The following ALG6 variants were observed in gnomAD, a reference collection of about 807,000 sequenced individuals.
ALG6 encodes dolichyl pyrophosphate Man9GlcNAc2 alpha-1,3-glucosyltransferase.
In ALG6, 46 loss-of-function variants were observed where a neutral mutation model predicts 66.6. That is an observed-to-expected ratio of 0.69 (90% CI 0.55 to 0.88). ALG6 has a LOEUF of 0.88. ALG6 is among the 40% of genes least tolerant of loss of function. The pLI is 0.00. For synonymous variants in ALG6, 185 were observed against 203.7 expected (o/e 0.91, Z 0.78); for missense variants, 505 against 586.8 (o/e 0.86, Z 1.44).
intron 10 of ALG6, among the ~76,000 whole-genome samples, chr1:63,415,668 G>A (rs551401756): frequency 4.5e-5 from 6 of 133,340 alleles, no homozygotes; most frequent in African/African-American, 1.1e-4. Flanking sequence ...TTATGTAATC[G>A]TGTATAAAAG....
chr1:63,422,338 A>AATATAAATATATATCT lies in ALG6; in HGVS notation c.1058+2910_1058+2925dup, dbSNP rs1447757707. Among the ~76,000 whole-genome samples, 685 of 98,614 alleles carry AATATAAATATATATCT rather than the reference A, an allele frequency of 6.9e-3. 9 individuals carry two copies. Among genetic ancestry groups the AATATAAATATATATCT allele is most frequent in the Non-Finnish European group, 0.01 (539 of 53,834 alleles). The allele number at this position is 98,614 out of a possible 152,430, so 64.7% of individuals were successfully genotyped here. A position where few individuals can be genotyped will look rare whatever the true frequency, so the allele number is the denominator to read the frequency against. ...CTATATATGAATATATATCTATAGG[A>AATATAAATATATATCT]ATATAAATATATATCTATATAAATA... On this transcript the variant is annotated intron_variant, in intron 12 of 14. Transcript: ENST00000263440.
intron 2 of ALG6, among the ~76,000 whole-genome samples, chr1:63,384,391 T>A (rs1435202147): frequency 6.6e-6 from 1 of 152,212 alleles, no homozygotes; most frequent in African/African-American, 2.4e-5. Context: ...ATTCTGGTTG[T>A]TAATCCCTTG....
intron 2 of ALG6, among the ~76,000 whole-genome samples, chr1:63,378,182 C>T (rs1450372870): frequency 6.6e-6 from 1 of 152,046 alleles, no homozygotes; most frequent in Non-Finnish European, 1.5e-5. Flanking sequence ...TGGTGGCAAA[C>T]CCAGTTTTTG....
chr1:63,382,629 A>T, intron 2 of ALG6, among the ~76,000 whole-genome samples: 1 of 143,616 alleles, frequency 7.0e-6, no homozygotes, highest in Non-Finnish European at 1.5e-5. Flanking sequence ...ACGTGCCACC[A>T]TGCCTGGCTA....
At chr1:63,403,176 A>G (rs541467190) in intron 4 of ALG6, among the ~76,000 whole-genome samples, 10 of 151,836 alleles carry the variant, frequency 6.6e-5, no homozygotes, top group Admixed American at 6.6e-4. Flanking sequence ...CTAGCAAGAA[A>G]TGTGAAAAAC....
chr1:63,388,583 G>T (rs1648577755), intron 2 of ALG6, among the ~76,000 whole-genome samples: 1 of 152,000 alleles, frequency 6.6e-6, no homozygotes, highest in Non-Finnish European at 1.5e-5. Flanking sequence ...TCATCTTTTA[G>T]TCTTTCTACT....
At chr1:63,376,484 G>C (rs961140325) in intron 2 of ALG6, among the ~76,000 whole-genome samples, 3 of 152,042 alleles carry the variant, frequency 2.0e-5, no homozygotes, top group Non-Finnish European at 4.4e-5. Context: ...TTAAGTTTCA[G>C]TCTCTGTAAC....
intron 2 of ALG6, among the ~76,000 whole-genome samples, chr1:63,381,664 A>AGGGAG (rs71813918): frequency 1.4e-5 from 2 of 141,536 alleles, no homozygotes; most frequent in African/African-American, 5.2e-5. Flanking sequence ...AAAAGAAGGA[A>AGGGAG]GGGAGGGGAG....
intron 5 of ALG6, among the ~76,000 whole-genome samples, chr1:63,405,790 T>C (rs1490862889): frequency 6.6e-6 from 1 of 152,130 alleles, no homozygotes; most frequent in African/African-American, 2.4e-5. Flanking sequence ...TTTTCTTTGT[T>C]CTAAAGGACT....
chr1:63,407,177 G>A (rs745800351), intron 7 of ALG6, 51 bp downstream of exon 7: 4 of 1,319,168 alleles, frequency 3.0e-6, no homozygotes, highest in Non-Finnish European at 2.2e-6. Flanking sequence ...GTGAAATCTA[G>A]ACTCAATGTG....
intron 12 of ALG6, among the ~76,000 whole-genome samples, chr1:63,421,316 GA>G (rs1465477386): frequency 2.0e-5 from 3 of 152,044 alleles, no homozygotes; most frequent in Non-Finnish European, 4.4e-5. Context: ...AAAAAGTCAG[GA>G]AACAACAGAT....
rs542800575 is a variant in ALG6 at position 63,370,818 on chromosome 1, G to A, written c.-160G>A. On this transcript the variant is annotated 5_prime_UTR_variant, in exon 2 of 15. Coordinates refer to ENST00000263440, the MANE Select transcript of ALG6 (RefSeq NM_013339.4). ...CAAGTTTTGACTATTTGGAAACCAA[G>A]CATCATTAAAATTCTCTCAAACTCC... is the stretch of plus-strand genomic sequence containing the variant. The A allele has an allele frequency of 3.4e-4, 223 of 664,026 alleles. No individual in the cohort carries two copies. In the African/African-American group the frequency reaches 3.6e-3, roughly 11 times the overall value. The allele number at this position is 664,026 out of a possible 1,614,324, so 41.1% of individuals were successfully genotyped here. A position where few individuals can be genotyped will look rare whatever the true frequency, so the allele number is the denominator to read the frequency against.
chr1:63,381,643 T>G (rs12144638), intron 2 of ALG6, among the ~76,000 whole-genome samples: 53,905 of 135,300 alleles, frequency 0.4, 9,923 homozygotes, highest in East Asian at 0.54. Flanking sequence ...AGACCCTGTT[T>G]AAAAGAAAAG....
chr1:63,419,456 T>G lies in ALG6; in HGVS notation c.1058+16T>G. On this transcript the variant is annotated intron_variant, in intron 12 of 14. Coordinates refer to ENST00000263440, the MANE Select transcript of ALG6 (RefSeq NM_013339.4). ...TGGTGTCACTGTAAGTAGAAACATT[T>G]GAAATATGTGTTTATTTGTTTATAA... 7 of 1,528,698 alleles carry G rather than the reference T, an allele frequency of 4.6e-6. No homozygotes were observed. Among genetic ancestry groups the G allele is most frequent in the Non-Finnish European group, 6.3e-6 (7 of 1,107,520 alleles). 94.7% of individuals were successfully genotyped at this position (1,528,698 alleles called of 1,614,324 possible).
chr1:63,429,485 C>A (rs560430429), intron 14 of ALG6: 2 of 178,790 alleles, frequency 1.1e-5, no homozygotes, highest in South Asian at 2.5e-4. Context: ...GCTGCCATAA[C>A]AAAATACAAC....
At chr1:63,372,621 G>C (rs1345992085) in intron 2 of ALG6, among the ~76,000 whole-genome samples, 1 of 151,864 alleles carries the variant, frequency 6.6e-6, no homozygotes, top group East Asian at 1.9e-4. Context: ...TGTGTATATA[G>C]CAAATGTGTA....
chr1:63,393,661 A>G (rs567735968), intron 2 of ALG6, among the ~76,000 whole-genome samples: 7 of 152,362 alleles, frequency 4.6e-5, no homozygotes, highest in African/African-American at 1.7e-4. Context: ...AAAGTGCCAG[A>G]TAGTAACTTA....
chr1:63,378,592 C>T (rs1648205078), intron 2 of ALG6, among the ~76,000 whole-genome samples: 1 of 152,142 alleles, frequency 6.6e-6, no homozygotes, highest in Admixed American at 6.6e-5. Context: ...TCACTATGTG[C>T]CAAGGGCTGG....
intron 2 of ALG6, among the ~76,000 whole-genome samples, chr1:63,374,033 G>A (rs1381444127): frequency 6.6e-6 from 1 of 152,112 alleles, no homozygotes; most frequent in Non-Finnish European, 1.5e-5. Context: ...ATTTTCTTTA[G>A]TATTTACCAC....
Sources: gnomAD v4.1 joint callset for allele counts (sites outside exome capture counted in the v4.1 genomes callset) on GRCh38, gnomAD v4.1.1 for gene constraint, MANE v1.5 for transcripts, NCBI Gene and HGNC (gene_info 2026-07-23, HGNC 2026-07-21) for gene names.